C13orf42: variants seen among roughly 807,000 people sequenced by gnomAD.
C13orf42 encodes the protein uncharacterized protein C13orf42.
chr13:51,095,159 A>C (rs1387444657), intron 1 of C13orf42, among the ~76,000 whole-genome samples: 1 of 152,224 alleles, frequency 6.6e-6, no homozygotes, highest in Non-Finnish European at 1.5e-5. Context: ...GTGAGAACAG[A>C]CTAATACAAC....
chr13:51,089,418 G>C (rs898281442), intron 1 of C13orf42, among the ~76,000 whole-genome samples: 2 of 152,100 alleles, frequency 1.3e-5, no homozygotes, highest in African/African-American at 2.4e-5. Context: ...GAGAGACCTG[G>C]TGGGAGGTGA....
intron 1 of C13orf42, among the ~76,000 whole-genome samples, chr13:51,142,639 A>AT (rs1953704487): frequency 9.0e-6 from 1 of 111,696 alleles, no homozygotes; most frequent in Non-Finnish European, 1.9e-5. Flanking sequence ...GTCCTTTTTT[A>AT]TAAAAAAAAA....
chr13:51,151,389 AAAAC>A (rs996953031), intron 1 of C13orf42, among the ~76,000 whole-genome samples: 29 of 152,276 alleles, frequency 1.9e-4, no homozygotes, highest in African/African-American at 4.8e-4. Context: ...AAAAAAAGAA[AAAAC>A]AAACAAACAA....
upstream of C13orf42, among the ~76,000 whole-genome samples, chr13:51,112,954 G>A (rs1463423761): frequency 3.3e-5 from 5 of 152,232 alleles, no homozygotes; most frequent in East Asian, 1.9e-4. Flanking sequence ...CAAAGCACCC[G>A]GGATGGGTAA....
rs555249003 is a variant in C13orf42, at chr13:51,156,683, T to A, written n.136+15570A>T. 1.6e-3 allele frequency among the ~76,000 whole-genome samples: 237 copies of A among 152,246 alleles called. 2 individuals carry two copies. The highest frequency in any genetic ancestry group is 5.5e-3 in the African/African-American group (229 of 41,540). ...TTATTGTAAAGACTAGTGGAAAAAATCGGTATCTACAAAGCACTTAGAACT... is the reference window on the plus strand; with the variant it reads ...TTATTGTAAAGACTAGTGGAAAAAAACGGTATCTACAAAGCACTTAGAACT... On this transcript the variant is annotated intron_variant and non_coding_transcript_variant, in intron 1 of 4. Transcript: ENST00000433280.
In C13orf42 at chr13:51,104,774, T is replaced by TAAAAA. The variant is rs11336196; in HGVS notation, c.414+6017_414+6021dup. 1.0e-4 allele frequency among the ~76,000 whole-genome samples: 14 copies of TAAAAA among 140,690 alleles called. No individual in the cohort carries two copies. In the East Asian group the frequency reaches 2.9e-3, roughly 29 times the overall value. The allele number at this position is 140,690 out of a possible 152,430, so 92.3% of individuals were successfully genotyped here. The stretch of plus-strand genomic sequence containing the variant: ...TGTATGTGAATTAAAGCTATTATAT[T>TAAAAA]AAAAAAAAAAAAAAAGCCAAGCTAA... On this transcript the variant is annotated intron_variant, in intron 1 of 3. Coordinates refer to ENST00000563710, the MANE Select transcript of C13orf42 (RefSeq NM_001351589.3).
chr13:51,118,383 G>T (rs946067129), intron 1 of C13orf42, among the ~76,000 whole-genome samples: 2 of 152,186 alleles, frequency 1.3e-5, no homozygotes, highest in Non-Finnish European at 2.9e-5. Context: ...AGAGGGGCAC[G>T]ACAGGCCTCC....
At chr13:51,088,109 C>G (rs1013557037) in intron 1 of C13orf42, 34 bp from the exon 2 acceptor site, 1 of 398,556 alleles carries the variant, frequency 2.5e-6, no homozygotes, top group Non-Finnish European at 4.4e-6. Flanking sequence ...AGAGAGTTGC[C>G]TGAGCCAGTA....
chr13:51,138,634 G>C (rs1338738873), intron 1 of C13orf42, among the ~76,000 whole-genome samples: 1 of 152,180 alleles, frequency 6.6e-6, no homozygotes, highest in Non-Finnish European at 1.5e-5. Context: ...GTATACTGTT[G>C]ATGGAAATGC....
intron 1 of C13orf42, among the ~76,000 whole-genome samples, chr13:51,116,654 T>C (rs1953494800): frequency 6.6e-6 from 1 of 152,254 alleles, no homozygotes; most frequent in South Asian, 2.1e-4. Flanking sequence ...AGGAGCTCCA[T>C]GTGATTCAAG....
chr13:51,158,088 T>C (rs1223673712), intron 1 of C13orf42, among the ~76,000 whole-genome samples: 2 of 152,242 alleles, frequency 1.3e-5, no homozygotes, highest in Non-Finnish European at 2.9e-5. Context: ...TTGTATTCAT[T>C]CCTTCAATGA....
chr13:51,160,482 T>A (rs1195637695), intron 1 of C13orf42, among the ~76,000 whole-genome samples: 1 of 152,180 alleles, frequency 6.6e-6, no homozygotes, highest in African/African-American at 2.4e-5. Flanking sequence ...GCACTCCAGC[T>A]TGGGCAACAA....
At chr13:51,114,743 TATCTTG>T (rs1378205521), upstream of C13orf42, among the ~76,000 whole-genome samples, 2 of 152,188 alleles carry the variant, frequency 1.3e-5, no homozygotes, top group Non-Finnish European at 2.9e-5. Flanking sequence ...GTTGTTTCCG[TATCTTG>T]GCTATTGTGA....
chr13:51,101,878 T>C (rs1037217833), intron 1 of C13orf42, among the ~76,000 whole-genome samples: 4 of 152,140 alleles, frequency 2.6e-5, no homozygotes, highest in African/African-American at 9.7e-5. Context: ...GGACAAGAAG[T>C]TAGCCAGGTG....
intron 1 of C13orf42, among the ~76,000 whole-genome samples, chr13:51,139,163 A>T (rs1341246059): frequency 6.6e-6 from 1 of 152,078 alleles, no homozygotes; most frequent in Non-Finnish European, 1.5e-5. Context: ...CTAAAAACAC[A>T]AATTAGCTGG....
At chr13:51,115,933 C>A (rs761474605), upstream of C13orf42, among the ~76,000 whole-genome samples, 3 of 152,186 alleles carry the variant, frequency 2.0e-5, no homozygotes, top group Non-Finnish European at 2.9e-5. Context: ...AGATCTTTGA[C>A]AGATGAAGCA....
intron 1 of C13orf42, among the ~76,000 whole-genome samples, chr13:51,128,285 T>C (rs1158509651): frequency 6.6e-6 from 1 of 152,258 alleles, no homozygotes; most frequent in Non-Finnish European, 1.5e-5. Context: ...TGACTTGCCC[T>C]GAATTCTCTC....
At chr13:51,162,959 C>T (rs571848620) in intron 1 of C13orf42, among the ~76,000 whole-genome samples, 5 of 152,284 alleles carry the variant, frequency 3.3e-5, no homozygotes, top group South Asian at 4.1e-4. Flanking sequence ...GCTCTCCTCA[C>T]GAACAGCTTA....
chr13:51,171,904 C>T (rs970935011), intron 1 of C13orf42: 15 of 152,236 alleles, frequency 9.9e-5, no homozygotes, highest in Admixed American at 7.2e-4. Flanking sequence ...CATTTTATTA[C>T]CCAATCTGCT....
Sources: allele counts gnomAD v4.1 joint callset (sites outside exome capture counted in the v4.1 genomes callset), GRCh38; gene constraint gnomAD v4.1.1; transcripts MANE v1.5; gene names NCBI Gene and HGNC (gene_info 2026-07-23, HGNC 2026-07-21).